The following KCNJ2 variants were observed in gnomAD, a reference collection of about 807,000 sequenced individuals.
KCNJ2 encodes potassium inwardly rectifying channel subfamily J member 2.
Under a neutral mutation model 28.4 loss-of-function variants are expected in KCNJ2, and 12 were observed. The ratio of observed to expected loss-of-function variants is 0.42; its 90% CI spans 0.27 to 0.68. The LOEUF (loss-of-function observed/expected upper bound fraction) is 0.68, where lower values mean the gene tolerates loss of function less well. Ranked by LOEUF, KCNJ2 falls within the 30% of genes least tolerant of loss-of-function variation. The pLI, the probability that KCNJ2 is intolerant of heterozygous loss-of-function variation, is 0.23. For missense variants in KCNJ2, 320 were observed against 551.3 expected, an observed-to-expected ratio of 0.58 and a Z score of 4.20; for synonymous variants, 200 against 203.2, an observed-to-expected ratio of 0.98 and a Z score of 0.13.
rs371167502 is a variant in KCNJ2, at chr17:70,170,691, C to G, written c.-217+990C>G. 8.7e-4 allele frequency among the ~76,000 whole-genome samples: 133 copies of G among 152,322 alleles called. No homozygotes were observed. In the South Asian group the frequency reaches 9.3e-3, roughly 11 times the overall value. ...CAATAGGCTGCCAGATTTCCTCTCG[C>G]CAACCAATGTTGTGTGTCTGCTGTA... On this transcript the variant is annotated intron_variant, in intron 1 of 1. Transcript: ENST00000243457.
intron 1 of KCNJ2, among the ~76,000 whole-genome samples, chr17:70,171,446 G>T (rs1298905148): frequency 6.6e-6 from 1 of 152,062 alleles, no homozygotes; most frequent in East Asian, 1.9e-4. Context: ...GTTTTCTTTT[G>T]CTATCTTTAT....
chr17:70,171,367 C>T (rs1020999858), intron 1 of KCNJ2, among the ~76,000 whole-genome samples: 5 of 151,918 alleles, frequency 3.3e-5, no homozygotes, highest in Non-Finnish European at 7.4e-5. Context: ...TCAGGCTGTT[C>T]TATATGGCGT....
Position 70,179,870 on chromosome 17 carries a change from C to T in KCNJ2, c.*3547C>T, listed in dbSNP as rs2074417715. 6.0e-6 allele frequency: 1 copy of T among 166,924 alleles called. No homozygotes were observed. Among genetic ancestry groups the T allele is most frequent in the South Asian group, 2.1e-4 (1 of 4,832 alleles). The allele number at this position is 166,924 out of a possible 1,614,324, so 10.3% of individuals were successfully genotyped here. On this transcript the variant is annotated 3_prime_UTR_variant, in exon 2 of 2. Coordinates refer to ENST00000243457, the MANE Select transcript of KCNJ2 (RefSeq NM_000891.3). Reference sequence around the variant, plus strand: ...TAATTTTGGGTTTCCGCTCTGGGCTCTGGCAAGTTGAACAATCCTAGCCAT... The same window carrying T: ...TAATTTTGGGTTTCCGCTCTGGGCTTTGGCAAGTTGAACAATCCTAGCCAT...
intron 1 of KCNJ2, among the ~76,000 whole-genome samples, chr17:70,173,486 T>G (rs368836169): frequency 6.4e-4 from 97 of 152,366 alleles, no homozygotes; most frequent in African/African-American, 2.2e-3. Context: ...CTTATTAGTT[T>G]TGTTATTACA....
Position 70,174,981 on chromosome 17 carries a change from T to G in KCNJ2, c.-59T>G. On this transcript the variant is annotated 5_prime_UTR_variant, in exon 2 of 2. Coordinates refer to ENST00000243457, the MANE Select transcript of KCNJ2 (RefSeq NM_000891.3). ...CATTCAAAACTGTTTCTCCAAAGCGTTTTGCAAAAACTCAGACTGTTTTCC... is the reference window on the plus strand; with the variant it reads ...CATTCAAAACTGTTTCTCCAAAGCGGTTTGCAAAAACTCAGACTGTTTTCC... 1 of 1,566,316 alleles carries G rather than the reference T, an allele frequency of 6.4e-7. No individual in the cohort carries two copies. The highest frequency in any genetic ancestry group is 8.8e-7 in the Non-Finnish European group (1 of 1,140,462).
At chr17:70,174,559 A>C (rs2074380963) in intron 1 of KCNJ2, among the ~76,000 whole-genome samples, 1 of 152,194 alleles carries the variant, frequency 6.6e-6, no homozygotes, top group South Asian at 2.1e-4. Context: ...ATCCCTGGCC[A>C]AAAAGAAGGG....
chr17:70,176,654 C>A lies in KCNJ2; in HGVS notation c.*331C>A. On this transcript the variant is annotated 3_prime_UTR_variant, in exon 2 of 2. Coordinates refer to ENST00000243457, the MANE Select transcript of KCNJ2 (RefSeq NM_000891.3). Reference sequence around the variant, plus strand: ...ATCCAGAATGCTTCTCTTTAGGGAACAAGGATGTTTTTAATGGCATAACAA... The same window carrying A: ...ATCCAGAATGCTTCTCTTTAGGGAAAAAGGATGTTTTTAATGGCATAACAA... 1 of 362,012 alleles carries A rather than the reference C, an allele frequency of 2.8e-6. No individual in the cohort carries two copies. Among genetic ancestry groups the A allele is most frequent in the Non-Finnish European group, 5.4e-6 (1 of 184,560 alleles). 22.4% of individuals were successfully genotyped at this position (362,012 alleles called of 1,614,324 possible).
At chr17:70,174,163 T>C (rs898346170) in intron 1 of KCNJ2, among the ~76,000 whole-genome samples, 5 of 152,172 alleles carry the variant, frequency 3.3e-5, no homozygotes, top group African/African-American at 1.2e-4. Context: ...GTTCCCTCTA[T>C]TTTCAGGATA....
In KCNJ2 at chr17:70,177,606, A is replaced by T. The variant is rs1353342199; in HGVS notation, c.*1283A>T. 6.0e-6 allele frequency: 1 copy of T among 167,182 alleles called. No homozygotes were observed. The highest frequency in any genetic ancestry group is 1.5e-5 in the Non-Finnish European group (1 of 68,172). The allele number at this position is 167,182 out of a possible 1,614,324, so 10.4% of individuals were successfully genotyped here. ...GGCCTCCACACTTGCTCTTCTGATCAGTCTGTCTGGATTGAGTCCTACAGT... is the reference window on the plus strand; with the variant it reads ...GGCCTCCACACTTGCTCTTCTGATCTGTCTGTCTGGATTGAGTCCTACAGT... On this transcript the variant is annotated 3_prime_UTR_variant, in exon 2 of 2. Transcript: ENST00000243457.
In KCNJ2 at chr17:70,176,491, A is replaced by G. The variant is rs2074394292; in HGVS notation, c.*168A>G. 1 of 698,350 alleles carries G rather than the reference A, an allele frequency of 1.4e-6. No individual in the cohort carries two copies. The highest frequency in any genetic ancestry group is 2.1e-5 in the Admixed American group (1 of 47,618). The allele number at this position is 698,350 out of a possible 1,614,324, so 43.3% of individuals were successfully genotyped here. A position where few individuals can be genotyped will look rare whatever the true frequency, so the allele number is the denominator to read the frequency against. On this transcript the variant is annotated 3_prime_UTR_variant, in exon 2 of 2. Coordinates refer to ENST00000243457, the MANE Select transcript of KCNJ2 (RefSeq NM_000891.3). Reference sequence around the variant, plus strand: ...AAGAAAGACTGTAAGCTCCATGATTAGCATAAAGCACTAACCATGTCTCCA... The same window carrying G: ...AAGAAAGACTGTAAGCTCCATGATTGGCATAAAGCACTAACCATGTCTCCA...
At position 70,179,672 on chromosome 17, in the gene KCNJ2, A is replaced by C. The variant is rs2074416190; in HGVS notation, c.*3349A>C. ...ATCATATTTCCCTTACAATTAATAA[A>C]TGTCACTTCATATTTTATAATAAAC... On this transcript the variant is annotated 3_prime_UTR_variant, in exon 2 of 2. Transcript: ENST00000243457. 6.0e-6 allele frequency: 1 copy of C among 166,426 alleles called. No homozygotes were observed. The allele number at this position is 166,426 out of a possible 1,614,324, so 10.3% of individuals were successfully genotyped here.
chr17:70,173,675 G>A (rs914733099), intron 1 of KCNJ2, among the ~76,000 whole-genome samples: 3 of 152,184 alleles, frequency 2.0e-5, no homozygotes, highest in Non-Finnish European at 4.4e-5. Context: ...GTAAAGGTGA[G>A]TGCCTTCTCC....
At position 70,179,073 on chromosome 17, in the gene KCNJ2, T is replaced by A; in HGVS notation, c.*2750T>A. On this transcript the variant is annotated 3_prime_UTR_variant, in exon 2 of 2. Coordinates refer to ENST00000243457, the MANE Select transcript of KCNJ2 (RefSeq NM_000891.3). ...CAAGCTTTAAATGGCAATTTTTTTT[T>A]TTTTTTTTTTTTTTTTTTTTTTTTT... 7.2e-6 allele frequency: 1 copy of A among 139,444 alleles called. No individual in the cohort carries two copies. The highest frequency in any genetic ancestry group is 2.1e-4 in the East Asian group (1 of 4,658). 8.6% of individuals were successfully genotyped at this position (139,444 alleles called of 1,614,324 possible). A position where few individuals can be genotyped will look rare whatever the true frequency, so the allele number is the denominator to read the frequency against.
intron 1 of KCNJ2, among the ~76,000 whole-genome samples, chr17:70,170,006 C>A (rs1014854831): frequency 1.3e-5 from 2 of 152,176 alleles, no homozygotes; most frequent in Non-Finnish European, 2.9e-5. Context: ...TAGCGAGATA[C>A]TGGGTTTGGA....
chr17:70,172,070 C>T (rs915591147), intron 1 of KCNJ2, among the ~76,000 whole-genome samples: 4 of 151,786 alleles, frequency 2.6e-5, no homozygotes, highest in African/African-American at 7.3e-5. Flanking sequence ...GTGAGAGGAC[C>T]GGGCAAGGAA....
In KCNJ2 at chr17:70,171,272, T is replaced by C. The variant is rs558224164; in HGVS notation, c.-217+1571T>C. ...TCCCCCTCCCCTCCCCACTTCCCCC[T>C]CCTCCTCCCTCATGTTTATTGAGCT... is the stretch of plus-strand genomic sequence containing the variant. On this transcript the variant is annotated intron_variant, in intron 1 of 1. Transcript: ENST00000243457. Among the ~76,000 whole-genome samples, 631 of 102,492 alleles carry C rather than the reference T, an allele frequency of 6.2e-3. 3 individuals are homozygous for C. Among genetic ancestry groups the C allele is most frequent in the African/African-American group, 0.022 (576 of 26,668 alleles). 67.2% of individuals were successfully genotyped at this position (102,492 alleles called of 152,430 possible).
At position 70,178,341 on chromosome 17, in the gene KCNJ2, G is replaced by A. The variant is rs2074407800; in HGVS notation, c.*2018G>A. 1 of 167,154 alleles carries A rather than the reference G, an allele frequency of 6.0e-6. No homozygotes were observed. The allele number at this position is 167,154 out of a possible 1,614,324, so 10.4% of individuals were successfully genotyped here. ...AAACAAAGAAAGAGATGTTAAGCAA[G>A]TGGTTGTTTTAGATCCAAATGTAAA... is the stretch of plus-strand genomic sequence containing the variant. On this transcript the variant is annotated 3_prime_UTR_variant, in exon 2 of 2. Transcript: ENST00000243457.
chr17:70,171,355 A>G (rs146788174), intron 1 of KCNJ2, among the ~76,000 whole-genome samples: 68 of 151,968 alleles, frequency 4.5e-4, no homozygotes, highest in African/African-American at 9.4e-4. Context: ...CCCAGAGCAC[A>G]CTCAGGCTGT....
rs2074401163 is a variant in KCNJ2 at position 70,177,470 on chromosome 17, G to C, written c.*1147G>C. 1 of 167,078 alleles carries C rather than the reference G, an allele frequency of 6.0e-6. No homozygotes were observed. Among genetic ancestry groups the C allele is most frequent in the Non-Finnish European group, 1.5e-5 (1 of 68,136 alleles). 10.3% of individuals were successfully genotyped at this position (167,078 alleles called of 1,614,324 possible). ...TTGGCATCCTGGCATTCTCAAAACT[G>C]AGCCATCCAGCATGAAAGATAAATG... On this transcript the variant is annotated 3_prime_UTR_variant, in exon 2 of 2. Transcript: ENST00000243457.
Sources: allele counts gnomAD v4.1 joint callset (sites outside exome capture counted in the v4.1 genomes callset), GRCh38; gene constraint gnomAD v4.1.1; transcripts MANE v1.5; gene names NCBI Gene and HGNC (gene_info 2026-07-23, HGNC 2026-07-21).